The following ITPR1 variants were observed in gnomAD, a reference collection of about 807,000 sequenced individuals.
ITPR1 encodes inositol 1,4,5-trisphosphate receptor type 1, also known as inositol 1,4,5-trisphosphate-gated calcium channel ITPR1.
In ITPR1, 96 loss-of-function variants were observed where a neutral mutation model predicts 318.4. The observed-to-expected ratio is 0.30, with a 90% CI of 0.26 to 0.36. ITPR1 has a LOEUF of 0.36. ITPR1 is among the 10% of genes least tolerant of loss of function. The pLI is 1.00. For synonymous variants in ITPR1, 1,312 were observed against 1,289.9 expected (o/e 1.02, Z -0.37); for missense variants, 2,440 against 3,460.2 (o/e 0.71, Z 7.40).
At position 4,661,007 on chromosome 3, in the gene ITPR1, A is replaced by G; in HGVS notation, c.1171A>G (p.Arg391Gly). The change falls in exon 14 of 62, where the codon AGA becomes GGA. Residue 391 changes from arginine (R) to glycine (G), a missense_variant. Arg to Gly is a moderately radical substitution (Grantham distance 125). Around this residue, in one of 23 missense-constraint regions of ITPR1, gnomAD observed 101 missense variants for 119.6 expected, o/e 0.84. Coordinates refer to ENST00000649015, the MANE Select transcript of ITPR1 (RefSeq NM_001378452.1). Reference sequence around the variant, plus strand: ...TGTTAGGAACTCTTATGTTCGGCTCAGACACCTATGTACTAATACCTGGGT... The same window carrying G: ...TGTTAGGAACTCTTATGTTCGGCTCGGACACCTATGTACTAATACCTGGGT... ...LVPRNSYVRL[R>G]HLCTNTWVHS... 6.3e-7 allele frequency: 1 copy of G among 1,599,682 alleles called. No homozygotes were observed. The highest frequency in any genetic ancestry group is 8.6e-7 in the Non-Finnish European group (1 of 1,169,126).
intron 4 of ITPR1, among the ~76,000 whole-genome samples, chr3:4,567,312 A>G (rs539804617): frequency 2.0e-4 from 30 of 152,216 alleles, no homozygotes; most frequent in Non-Finnish European, 3.4e-4. Context: ...TCAGGATAAA[A>G]GACGTGATTG....
chr3:4,510,949 G>T (rs903059421), intron 2 of ITPR1, among the ~76,000 whole-genome samples: 1 of 152,084 alleles, frequency 6.6e-6, no homozygotes. Flanking sequence ...CATGAGAGAG[G>T]GAGGACTGGA....
At chr3:4,536,674 T>C (rs189835320) in intron 4 of ITPR1, among the ~76,000 whole-genome samples, 71 of 152,342 alleles carry the variant, frequency 4.7e-4, no homozygotes, top group African/African-American at 1.7e-3. Context: ...ATCAGATCAC[T>C]GTGCCCAAAT....
chr3:4,559,821 A>G (rs1203800874), intron 4 of ITPR1, among the ~76,000 whole-genome samples: 1 of 152,220 alleles, frequency 6.6e-6, no homozygotes, highest in Non-Finnish European at 1.5e-5. Context: ...TCACTCAGCT[A>G]GTAAATGACA....
chr3:4,693,370 A>G, intron 32 of ITPR1, 120 bp from the exon 33 acceptor site: 1 of 1,103,806 alleles, frequency 9.1e-7, no homozygotes, highest in Admixed American at 2.1e-5. Flanking sequence ...CAAAATAGGT[A>G]AGACTGATTT....
intron 4 of ITPR1, among the ~76,000 whole-genome samples, chr3:4,571,877 C>T (rs1174907970): frequency 6.6e-6 from 1 of 152,172 alleles, no homozygotes; most frequent in African/African-American, 2.4e-5. Flanking sequence ...GTTTCTCCCC[C>T]TCTGCCCCAC....
chr3:4,579,630 T>G (rs1026666006), intron 4 of ITPR1, among the ~76,000 whole-genome samples: 16 of 152,336 alleles, frequency 1.1e-4, no homozygotes, highest in East Asian at 3.9e-4. Context: ...ACAAAAAGCC[T>G]GTTACGGATC....
chr3:4,846,303 C>A lies in ITPR1; in HGVS notation c.*78C>A. 1 of 925,958 alleles carries A rather than the reference C, an allele frequency of 1.1e-6. No individual in the cohort carries two copies. Among genetic ancestry groups the A allele is most frequent in the Non-Finnish European group, 1.7e-6 (1 of 591,710 alleles). 57.4% of individuals were successfully genotyped at this position (925,958 alleles called of 1,614,324 possible). Reference sequence around the variant, plus strand: ...GTATGGCTAATGAGTTCTGATTCACCCACGAAGGTTACATTTATGCTGAAT... The same window carrying A: ...GTATGGCTAATGAGTTCTGATTCACACACGAAGGTTACATTTATGCTGAAT... On this transcript the variant is annotated 3_prime_UTR_variant, in exon 62 of 62. Coordinates refer to ENST00000649015, the MANE Select transcript of ITPR1 (RefSeq NM_001378452.1).
At chr3:4,517,115 T>C (rs752552948) in intron 3 of ITPR1, among the ~76,000 whole-genome samples, 31 of 152,238 alleles carry the variant, frequency 2.0e-4, no homozygotes, top group Non-Finnish European at 1.3e-4. Flanking sequence ...ATTTTTGCTC[T>C]TTTGTGCTTT....
intron 4 of ITPR1, among the ~76,000 whole-genome samples, chr3:4,583,074 G>C (rs1196629430): frequency 6.6e-6 from 1 of 152,072 alleles, no homozygotes; most frequent in Non-Finnish European, 1.5e-5. Flanking sequence ...TGGCATATAG[G>C]AGAAGAAGAA....
At chr3:4,628,427 C>G (rs1193465121) in intron 5 of ITPR1, among the ~76,000 whole-genome samples, 2 of 152,182 alleles carry the variant, frequency 1.3e-5, no homozygotes, top group African/African-American at 4.8e-5. Context: ...TGCTGACGTG[C>G]TGTGTGACCA....
At chr3:4,590,424 G>T (rs2090299311) in intron 4 of ITPR1, among the ~76,000 whole-genome samples, 1 of 151,410 alleles carries the variant, frequency 6.6e-6, no homozygotes, top group Non-Finnish European at 1.5e-5. Flanking sequence ...TGGTGTTTCT[G>T]GCTTTTTATA....
chr3:4,811,578 A>G (rs1308081511), intron 56 of ITPR1, 118 bp downstream of exon 56: 1 of 735,726 alleles, frequency 1.4e-6, no homozygotes, highest in Admixed American at 2.9e-5. Context: ...TCTCCCTAAC[A>G]CGCAGAGTGT....
chr3:4,567,554 G>T lies in ITPR1; in HGVS notation c.163+46460G>T, dbSNP rs1198173004. 1.3e-5 allele frequency among the ~76,000 whole-genome samples: 2 copies of T among 152,088 alleles called. 1 individual carries two copies. Among genetic ancestry groups the T allele is most frequent in the South Asian group, 4.1e-4 (2 of 4,822 alleles). ...TCAACCACGTGCGGTGGGCTTGGGG[G>T]CTGAGGTGGGTCATGGAGGGCTTTA... On this transcript the variant is annotated intron_variant, in intron 4 of 61. Coordinates refer to ENST00000649015, the MANE Select transcript of ITPR1 (RefSeq NM_001378452.1).
intron 4 of ITPR1, among the ~76,000 whole-genome samples, chr3:4,609,024 A>AC (rs2091899766): frequency 7.7e-6 from 1 of 129,422 alleles, no homozygotes; most frequent in Non-Finnish European, 1.6e-5. Context: ...AAAAAAAAAA[A>AC]ACAAAAGAAA....
At chr3:4,789,469 A>ACATAGACCCCACC (rs1371346136) in intron 52 of ITPR1, among the ~76,000 whole-genome samples, 1 of 152,220 alleles carries the variant, frequency 6.6e-6, no homozygotes, top group Non-Finnish European at 1.5e-5. Flanking sequence ...CAAAAGGGAG[A>ACATAGACCCCACC]CATAGACCCC....
chr3:4,805,266 T>C (rs1350165954), intron 54 of ITPR1, among the ~76,000 whole-genome samples: 1 of 152,170 alleles, frequency 6.6e-6, no homozygotes, highest in African/African-American at 2.4e-5. Flanking sequence ...GTGCTGGTGG[T>C]GCCTTCAGTG....
chr3:4,713,262 A>T (rs1437631986), intron 39 of ITPR1, among the ~76,000 whole-genome samples: 1 of 152,218 alleles, frequency 6.6e-6, no homozygotes, highest in East Asian at 1.9e-4. Context: ...AAATCCACCA[A>T]AGCTGAGTGA....
At chr3:4,664,941 G>T (rs1469130570) in intron 16 of ITPR1, among the ~76,000 whole-genome samples, 197 bp from the exon 17 acceptor site, 1 of 152,202 alleles carries the variant, frequency 6.6e-6, no homozygotes. Flanking sequence ...AGGACCAGTG[G>T]AGTCCAGTAG....
Sources: allele counts gnomAD v4.1 joint callset (sites outside exome capture counted in the v4.1 genomes callset), GRCh38; gene constraint gnomAD v4.1.1; regional missense constraint gnomAD v4.1.1; transcripts MANE v1.5; gene names NCBI Gene and HGNC (gene_info 2026-07-23, HGNC 2026-07-21).